Variants in RPTOR observed in about 807,000 individuals in gnomAD.
RPTOR encodes regulatory associated protein of MTOR complex 1, also known as regulatory-associated protein of mTOR.
RPTOR carries 21 observed loss-of-function variants against 169.9 expected under a neutral mutation model. The ratio of observed to expected loss-of-function variants is 0.12; its 90% confidence interval spans 0.09 to 0.18. RPTOR has a LOEUF of 0.18. RPTOR is among the 10% of genes least tolerant of loss of function. RPTOR has a pLI of 1.00. For missense variants in RPTOR, 1,133 were observed against 1,855.9 expected, an observed-to-expected ratio of 0.61 and a Z score of 7.16; for synonymous variants, 732 against 753.2, an observed-to-expected ratio of 0.97 and a Z score of 0.46.
intron 1 of RPTOR, among the ~76,000 whole-genome samples, chr17:80,564,203 C>T (rs12450516): frequency 0.16 from 24,920 of 152,058 alleles, 2,332 homozygotes; most frequent in East Asian, 0.28. Flanking sequence ...GCTGGAACTA[C>T]AGGCGCCTGC....
rs945833845 is a variant in RPTOR, at chr17:80,659,188, G to A, written c.348+15378G>A. Among the ~76,000 whole-genome samples the A allele has an allele frequency of 1.3e-5, 2 of 152,206 alleles. No individual in the cohort carries two copies. The highest frequency in any genetic ancestry group is 4.8e-5 in the African/African-American group (2 of 41,462). ...GAGAGATTGCCTCCGAGCGCTGTTAGGAGAGGGAAGAGCTGCACTCATGCA... is the reference window on the plus strand; with the variant it reads ...GAGAGATTGCCTCCGAGCGCTGTTAAGAGAGGGAAGAGCTGCACTCATGCA... On this transcript the variant is annotated intron_variant, in intron 3 of 33. Transcript: ENST00000306801. This position sits in a 1 kb window ranked among gnomAD's most constrained non-coding sequence, Gnocchi z 4.3.
chr17:80,909,800 T>G (rs894020374), intron 21 of RPTOR: 1 of 152,244 alleles, frequency 6.6e-6, no homozygotes, highest in Non-Finnish European at 1.5e-5. Context: ...TTGGTTTTTC[T>G]CTGTTGTTTG....
intron 11 of RPTOR, among the ~76,000 whole-genome samples, chr17:80,848,507 G>A (rs947506179): frequency 5.9e-5 from 9 of 152,230 alleles, no homozygotes; most frequent in South Asian, 2.1e-4. Context: ...TAGCAGCAAC[G>A]CAACCAAACA....
chr17:80,619,195 T>C (rs1393436132), intron 1 of RPTOR, among the ~76,000 whole-genome samples: 11 of 151,982 alleles, frequency 7.2e-5, no homozygotes, highest in Admixed American at 7.2e-4. Context: ...CAGTCTTGCT[T>C]TGTGTTTATT....
At chr17:80,922,260 A>G (rs1458937154) in intron 21 of RPTOR, among the ~76,000 whole-genome samples, 1 of 152,150 alleles carries the variant, frequency 6.6e-6, no homozygotes, top group African/African-American at 2.4e-5. Context: ...CCGGGCCTCA[A>G]CTCGCAGCCT....
chr17:80,612,967 T>G (rs1345796912), intron 1 of RPTOR, among the ~76,000 whole-genome samples: 1 of 152,178 alleles, frequency 6.6e-6, no homozygotes, highest in Admixed American at 6.5e-5. Context: ...TGTATAGTTA[T>G]AAAAAGAACC....
At chr17:80,835,779 A>G (rs1311673889) in intron 9 of RPTOR, among the ~76,000 whole-genome samples, 1 of 152,250 alleles carries the variant, frequency 6.6e-6, no homozygotes, top group Non-Finnish European at 1.5e-5. Flanking sequence ...ATATGCAAAT[A>G]TTCCAAAACC....
chr17:80,718,338 G>T (rs900748204), intron 4 of RPTOR, among the ~76,000 whole-genome samples: 1 of 152,104 alleles, frequency 6.6e-6, no homozygotes, highest in Non-Finnish European at 1.5e-5. Flanking sequence ...TTTTTGTCTT[G>T]CACTATGTTC....
intron 20 of RPTOR, 33 bp from the exon 21 acceptor site, chr17:80,908,778 T>G (rs766734009): frequency 6.6e-7 from 1 of 1,524,388 alleles, no homozygotes; most frequent in African/African-American, 1.4e-5. Context: ...GCAGCTACTT[T>G]CCACTAAAAC....
intron 9 of RPTOR, among the ~76,000 whole-genome samples, chr17:80,835,309 A>T (rs1226505153): frequency 6.6e-6 from 1 of 152,146 alleles, no homozygotes; most frequent in Non-Finnish European, 1.5e-5. Context: ...CTTTACTAAG[A>T]CATTGAGAAA....
rs2066335851 is a variant in RPTOR at position 80,726,472 on chromosome 17, G to GC, written c.508-4088_508-4087insC. 9.5e-6 allele frequency among the ~76,000 whole-genome samples: 1 copy of GC among 104,822 alleles called. No individual in the cohort carries two copies. The highest frequency in any genetic ancestry group is 2.2e-5 in the Non-Finnish European group (1 of 45,860). The allele number at this position is 104,822 out of a possible 152,430, so 68.8% of individuals were successfully genotyped here. ...TCATCTTCCTGAACTTTGCATCTCA[G>GC]AATTTAAAATGGAGATTTTGATTTT... On this transcript the variant is annotated intron_variant, in intron 4 of 33. Transcript: ENST00000306801. The surrounding 1 kb of genome is among the most constrained non-coding windows in gnomAD (Gnocchi z 4.5).
In RPTOR at chr17:80,845,138, G is replaced by A. The variant is rs377007351; in HGVS notation, c.1213-1335G>A. 1.2e-3 allele frequency among the ~76,000 whole-genome samples: 182 copies of A among 152,120 alleles called. No individual in the cohort carries two copies. The highest frequency in any genetic ancestry group is 4.2e-3 in the African/African-American group (176 of 41,508). ...CGGCAGCCTCCCCTGCAGCCTTCACGCTCTCCAGCCGCAGGCCCAGCAGCC... is the reference window on the plus strand; with the variant it reads ...CGGCAGCCTCCCCTGCAGCCTTCACACTCTCCAGCCGCAGGCCCAGCAGCC... On this transcript the variant is annotated intron_variant, in intron 10 of 33. Transcript: ENST00000306801. The surrounding 1 kb of genome is among the most constrained non-coding windows in gnomAD (Gnocchi z 5.4).
chr17:80,569,568 G>A (rs4508465), intron 1 of RPTOR, among the ~76,000 whole-genome samples: 36,168 of 151,984 alleles, frequency 0.24, 5,288 homozygotes, highest in East Asian at 0.42. Context: ...AATAAAAGCA[G>A]GTCTAGGTCA....
intron 4 of RPTOR, among the ~76,000 whole-genome samples, chr17:80,729,041 C>T (rs773357241): frequency 1.3e-5 from 2 of 152,172 alleles, no homozygotes; most frequent in Non-Finnish European, 2.9e-5. Flanking sequence ...ACATCTGCGT[C>T]GTTGGTATAC....
At chr17:80,665,084 T>C (rs1018503956) in intron 3 of RPTOR, among the ~76,000 whole-genome samples, 1 of 152,162 alleles carries the variant, frequency 6.6e-6, no homozygotes, top group African/African-American at 2.4e-5. Flanking sequence ...CTGAGATCTT[T>C]GGGCAAGGAC....
intron 1 of RPTOR, among the ~76,000 whole-genome samples, chr17:80,624,927 G>A (rs1033372692): frequency 5.9e-5 from 9 of 152,180 alleles, no homozygotes; most frequent in Admixed American, 3.9e-4. Context: ...TGATCGCAGC[G>A]TTCCCCAGCT....
At chr17:80,644,307 G>GT (rs3046923) in intron 3 of RPTOR, among the ~76,000 whole-genome samples, 65,974 of 108,614 alleles carry the variant, frequency 0.61, 20,527 homozygotes, top group African/African-American at 0.65. Flanking sequence ...TAGTGTGTGG[G>GT]TTTTTTTTTT....
chr17:80,792,144 G>T (rs2067055245), intron 7 of RPTOR, among the ~76,000 whole-genome samples: 1 of 152,062 alleles, frequency 6.6e-6, no homozygotes, highest in Admixed American at 6.6e-5. Flanking sequence ...GTTTGTTTGT[G>T]CACCGGATTC....
intron 24 of RPTOR, among the ~76,000 whole-genome samples, chr17:80,937,065 T>A (rs888999366): frequency 6.6e-6 from 1 of 152,168 alleles, no homozygotes; most frequent in African/African-American, 2.4e-5. Flanking sequence ...AGTTTGTTGC[T>A]AAACCGTGGG....
Sources: gnomAD v4.1 joint callset for allele counts (sites outside exome capture counted in the v4.1 genomes callset) on GRCh38, gnomAD v4.1.1 for gene constraint, Gnocchi (gnomAD v3.1) non-coding constraint, MANE v1.5 for transcripts, NCBI Gene and HGNC (gene_info 2026-07-23, HGNC 2026-07-21) for gene names.